The following PTN variants were observed in gnomAD, a reference collection of about 807,000 sequenced individuals.
The protein encoded by PTN is pleiotrophin.
PTN carries 18 observed loss-of-function variants against 24.1 expected under a neutral mutation model. The ratio of observed to expected loss-of-function variants is 0.75; its 90% CI spans 0.52 to 1.11. PTN has a LOEUF of 1.11. Among genes scored for constraint, PTN ranks in the 50% least tolerant of loss-of-function variants. The pLI, the probability that PTN is intolerant of heterozygous loss-of-function variation, is 0.00. For synonymous variants in PTN, 78 were observed against 68.6 expected (o/e 1.14, Z -0.67); for missense variants, 163 against 198.8 (o/e 0.82, Z 1.08).
intron 4 of PTN, among the ~76,000 whole-genome samples, chr7:137,230,091 CAT>C (rs1303519320): frequency 6.6e-6 from 1 of 151,776 alleles, no homozygotes; most frequent in Non-Finnish European, 1.5e-5. Context: ...TTTTGGCTAA[CAT>C]GTTCCTATTT....
chr7:137,318,363 G>A (rs948120803), intron 1 of PTN, among the ~76,000 whole-genome samples: 13 of 152,148 alleles, frequency 8.5e-5, no homozygotes, highest in African/African-American at 3.1e-4. Flanking sequence ...TCTCTCTCTT[G>A]CTGGCCCTAA....
intron 4 of PTN, among the ~76,000 whole-genome samples, chr7:137,236,797 T>C (rs1236315997): frequency 6.6e-6 from 1 of 152,184 alleles, no homozygotes; most frequent in Non-Finnish European, 1.5e-5. Context: ...AAATGAAATG[T>C]AGTATTATAA....
At chr7:137,263,834 G>C (rs1003132466) in intron 1 of PTN, among the ~76,000 whole-genome samples, 6 of 152,102 alleles carry the variant, frequency 3.9e-5, no homozygotes, top group East Asian at 3.9e-4. Flanking sequence ...CACATACCCA[G>C]TATAGCCTAG....
At chr7:137,236,122 G>A (rs1410571150) in intron 4 of PTN, 3 of 700,544 alleles carry the variant, frequency 4.3e-6, no homozygotes, top group South Asian at 3.0e-5. Context: ...CAATATGTCA[G>A]TTATTTTTCA....
At chr7:137,337,894 T>C (rs1810475116) in intron 1 of PTN, among the ~76,000 whole-genome samples, 1 of 152,188 alleles carries the variant, frequency 6.6e-6, no homozygotes, top group Non-Finnish European at 1.5e-5. Flanking sequence ...ATGAATGGCA[T>C]TTAGAGCTGC....
At chr7:137,327,288 CTT>C (rs937497021) in intron 1 of PTN, among the ~76,000 whole-genome samples, 1 of 152,168 alleles carries the variant, frequency 6.6e-6, no homozygotes, top group African/African-American at 2.4e-5. Flanking sequence ...TACAATCTAA[CTT>C]GATATAATTC....
intron 1 of PTN, among the ~76,000 whole-genome samples, chr7:137,317,347 A>G (rs1190473950): frequency 6.6e-6 from 1 of 152,190 alleles, no homozygotes; most frequent in Non-Finnish European, 1.5e-5. Flanking sequence ...TTAAATTTGA[A>G]TATCAAGAAT....
chr7:137,331,389 T>C (rs765585141), intron 1 of PTN, among the ~76,000 whole-genome samples: 1 of 152,114 alleles, frequency 6.6e-6, no homozygotes, highest in Non-Finnish European at 1.5e-5. Flanking sequence ...AAGCCGCAAT[T>C]TAAAAAGGCT....
chr7:137,279,109 C>A (rs1177581405), intron 1 of PTN, among the ~76,000 whole-genome samples: 1 of 151,500 alleles, frequency 6.6e-6, no homozygotes, highest in East Asian at 1.9e-4. Flanking sequence ...AAACATATTA[C>A]AAGAAATTAT....
intron 1 of PTN, among the ~76,000 whole-genome samples, chr7:137,324,433 A>AAAAAAAAAAAAAAAAAATATAT: frequency 6.9e-4 from 61 of 88,724 alleles, no homozygotes; most frequent in African/African-American, 4.2e-3. Flanking sequence ...AAAAAAAAAA[A>AAAAAAAAAAAAAAAAAATATAT]ATATATATAT....
intron 1 of PTN, among the ~76,000 whole-genome samples, chr7:137,297,998 CGT>C (rs901356359): frequency 3.9e-5 from 6 of 151,990 alleles, no homozygotes; most frequent in Non-Finnish European, 8.8e-5. Flanking sequence ...TTATTGTTCA[CGT>C]GTCAGAAATA....
chr7:137,236,097 A>G (rs1808515706), intron 4 of PTN: 2 of 693,542 alleles, frequency 2.9e-6, no homozygotes, highest in African/African-American at 3.5e-5. Context: ...GCAGAACAAA[A>G]TTAATAAAAG....
At chr7:137,309,665 A>G (rs1382289909) in intron 1 of PTN, among the ~76,000 whole-genome samples, 1 of 152,176 alleles carries the variant, frequency 6.6e-6, no homozygotes. Context: ...AGAAGCTTCC[A>G]TCTCAAGAAA....
intron 1 of PTN, among the ~76,000 whole-genome samples, chr7:137,330,041 C>A (rs1265230186): frequency 6.6e-6 from 1 of 152,188 alleles, no homozygotes; most frequent in African/African-American, 2.4e-5. Flanking sequence ...AATCCCAGCA[C>A]TTTGGGAGGC....
intron 1 of PTN, among the ~76,000 whole-genome samples, chr7:137,330,770 C>T (rs1311174376): frequency 6.6e-6 from 1 of 152,106 alleles, no homozygotes; most frequent in East Asian, 1.9e-4. Context: ...AAGAAGAGGA[C>T]CAGGTTTGCT....
At chr7:137,296,998 C>T (rs1331386056) in intron 1 of PTN, among the ~76,000 whole-genome samples, 1 of 152,040 alleles carries the variant, frequency 6.6e-6, no homozygotes, top group Non-Finnish European at 1.5e-5. Flanking sequence ...TATTCCAAAT[C>T]AGAGCTAATT....
intron 4 of PTN, among the ~76,000 whole-genome samples, chr7:137,233,090 G>A (rs1016264518): frequency 3.3e-5 from 5 of 152,026 alleles, no homozygotes; most frequent in South Asian, 2.1e-4. Context: ...AATATGAGCC[G>A]TGTTACAATT....
intron 1 of PTN, among the ~76,000 whole-genome samples, chr7:137,269,956 T>C (rs1019621815): frequency 6.6e-6 from 1 of 152,142 alleles, no homozygotes; most frequent in African/African-American, 2.4e-5. Context: ...TATGTGAAGA[T>C]TCAGGAAGTT....
intron 4 of PTN, among the ~76,000 whole-genome samples, chr7:137,241,778 C>T (rs1026025543): frequency 3.3e-5 from 5 of 152,144 alleles, no homozygotes; most frequent in Admixed American, 1.3e-4. Context: ...TGAGACCCAA[C>T]GGAGTACAAG....
Sources: gnomAD v4.1 joint callset for allele counts (sites outside exome capture counted in the v4.1 genomes callset) on GRCh38, gnomAD v4.1.1 for gene constraint, MANE v1.5 for transcripts, NCBI Gene and HGNC (gene_info 2026-07-23, HGNC 2026-07-21) for gene names.